Variants in SLC43A2 observed in about 807,000 individuals in gnomAD.
The protein encoded by SLC43A2 is large neutral amino acids transporter small subunit 4.
A neutral mutation model predicts 63.2 loss-of-function variants in SLC43A2; 38 were observed. The observed-to-expected ratio is 0.60, with a 90% CI of 0.46 to 0.79. The LOEUF is 0.79. SLC43A2 is among the 30% of genes least tolerant of loss of function. The pLI, the probability that SLC43A2 is intolerant of heterozygous loss-of-function variation, is 0.00. For missense variants in SLC43A2, 644 were observed against 756.2 expected (o/e 0.85, Z 1.74); for synonymous variants, 322 against 331.0 (o/e 0.97, Z 0.30).
chr17:1,581,409 G>A (rs895773840), intron 11 of SLC43A2, among the ~76,000 whole-genome samples: 5 of 152,340 alleles, frequency 3.3e-5, no homozygotes, highest in East Asian at 1.9e-4. Context: ...AGGGAGGGCC[G>A]GAGGGATGCA....
rs2076095904 is a variant in SLC43A2, at chr17:1,585,977, T to G, written c.1153A>C (p.Met385Leu). Residue 385 changes from methionine (M) to leucine (L), a missense_variant, in exon 10 of 14, where the codon ATG becomes CTG. Coordinates refer to ENST00000301335, the MANE Select transcript of SLC43A2 (RefSeq NM_152346.3). ...LLTAPVIGYI[M>L]DWRLKECEDA... ...TCACACTCCTTCAGCCTCCAGTCCA[T>G]GATGTAGCCAATGACGGGGGCCGTC... 1.2e-6 allele frequency: 2 copies of G among 1,613,302 alleles called. No individual in the cohort carries two copies. The highest frequency in any genetic ancestry group is 4.5e-5 in the East Asian group (2 of 44,880).
In SLC43A2 at chr17:1,572,170, C is replaced by G. The variant is rs2075855401; in HGVS notation, c.*3434G>C. The stretch of plus-strand genomic sequence containing the variant: ...TGATTCCATGCAGTAGCTCTCTCCC[C>G]CTCTTCTGAGAAGGCTCTTGGCTCC... On this transcript the variant is annotated 3_prime_UTR_variant, in exon 14 of 14. Coordinates refer to ENST00000301335, the MANE Select transcript of SLC43A2 (RefSeq NM_152346.3). 6.6e-6 allele frequency: 1 copy of G among 152,528 alleles called. No homozygotes were observed. The highest frequency in any genetic ancestry group is 2.4e-5 in the African/African-American group (1 of 41,452). 9.4% of individuals were successfully genotyped at this position (152,528 alleles called of 1,614,324 possible).
In SLC43A2 at chr17:1,593,063, C is replaced by T. The variant is rs1470449267; in HGVS notation, c.594+124G>A. The T allele has an allele frequency of 3.5e-6, 3 of 853,810 alleles. No individual in the cohort carries two copies. The highest frequency in any genetic ancestry group is 1.7e-5 in the African/African-American group (1 of 59,334). The allele number at this position is 853,810 out of a possible 1,614,324, so 52.9% of individuals were successfully genotyped here. On this transcript the variant is annotated intron_variant, in intron 6 of 13. Transcript: ENST00000301335. The surrounding 1 kb of genome is among the most constrained non-coding windows in gnomAD (Gnocchi z 5.3). Reference sequence around the variant, plus strand: ...CCCTGTGATGCCCAGGTGCATCCTGCCCGGGTGGGGGTGGTGGAGAGGGGC... The same window carrying T: ...CCCTGTGATGCCCAGGTGCATCCTGTCCGGGTGGGGGTGGTGGAGAGGGGC...
chr17:1,592,812 T>TG (rs1232771855), intron 6 of SLC43A2, among the ~76,000 whole-genome samples: 1 of 151,960 alleles, frequency 6.6e-6, no homozygotes, highest in Non-Finnish European at 1.5e-5. Flanking sequence ...GTGCTTTGGC[T>TG]GGCGGGGAGT....
intron 4 of SLC43A2, among the ~76,000 whole-genome samples, chr17:1,614,366 G>A (rs967536700): frequency 3.3e-5 from 5 of 152,056 alleles, no homozygotes; most frequent in Non-Finnish European, 5.9e-5. Context: ...AGCTGTGACT[G>A]CACCACTGCA....
In SLC43A2 at chr17:1,575,555, T is replaced by A; in HGVS notation, c.*49A>T. The A allele has an allele frequency of 6.2e-7, 1 of 1,611,752 alleles. No homozygotes were observed. Among genetic ancestry groups the A allele is most frequent in the Non-Finnish European group, 8.5e-7 (1 of 1,178,446 alleles). On this transcript the variant is annotated 3_prime_UTR_variant, in exon 14 of 14. Coordinates refer to ENST00000301335, the MANE Select transcript of SLC43A2 (RefSeq NM_152346.3). ...GTACTCTGGAGGGGCAGGACAGGGGTCAGTCACTGAAGCACAGGCAGGAGA... is the reference window on the plus strand; with the variant it reads ...GTACTCTGGAGGGGCAGGACAGGGGACAGTCACTGAAGCACAGGCAGGAGA...
rs576437205 is a variant in SLC43A2 at position 1,606,191 on chromosome 17, C to T, written c.501+7004G>A. Among the ~76,000 whole-genome samples, 9 of 151,716 alleles carry T rather than the reference C, an allele frequency of 5.9e-5. No homozygotes were observed. Among genetic ancestry groups the T allele is most frequent in the Admixed American group, 1.3e-4 (2 of 15,270 alleles). On this transcript the variant is annotated intron_variant, in intron 5 of 13. Transcript: ENST00000301335. This position sits in a 1 kb window ranked among gnomAD's most constrained non-coding sequence, Gnocchi z 4.7. Reference sequence around the variant, plus strand: ...CTCTCCTGGACCCTCCAGAGCTGGCCGGGGGCCACCGTGGGACCCTCTCCT... The same window carrying T: ...CTCTCCTGGACCCTCCAGAGCTGGCTGGGGGCCACCGTGGGACCCTCTCCT...
At position 1,575,764 on chromosome 17, in the gene SLC43A2, A is replaced by G. The variant is rs752811897; in HGVS notation, c.1550T>C (p.Val517Ala). Residue 517 changes from valine to alanine, a missense_variant and splice_region_variant, in exon 14 of 14, where the codon GTG becomes GCG. Physicochemically the swap from Val to Ala is moderately conservative, Grantham distance 64 (BLOSUM62 0). Coordinates refer to ENST00000301335, the MANE Select transcript of SLC43A2 (RefSeq NM_152346.3). Reference sequence around the variant, plus strand: ...GCTGAGAAGGAGCAGCCCCACGTTCACCTGGGGAGGCAGGGAGGCCGCGCA... The same window carrying G: ...GCTGAGAAGGAGCAGCCCCACGTTCGCCTGGGGAGGCAGGGAGGCCGCGCA... ...MGPLQGDPLW[V>A]NVGLLLLSLL... 3 of 1,609,042 alleles carry G rather than the reference A, an allele frequency of 1.9e-6. No homozygotes were observed. The Admixed American group carries it at 5.0e-5, about 27-fold the overall frequency.
intron 5 of SLC43A2, among the ~76,000 whole-genome samples, chr17:1,594,291 AG>A (rs1240196269): frequency 6.6e-6 from 1 of 152,160 alleles, no homozygotes; most frequent in Non-Finnish European, 1.5e-5. Context: ...ACAGGGCAAG[AG>A]GGGGCCCACC....
intron 5 of SLC43A2, among the ~76,000 whole-genome samples, chr17:1,603,598 A>G (rs1419005041): frequency 1.3e-5 from 2 of 152,100 alleles, no homozygotes; most frequent in African/African-American, 4.8e-5. Flanking sequence ...AGCCTGGCCA[A>G]TACGGTGAAA....
intron 1 of SLC43A2, among the ~76,000 whole-genome samples, chr17:1,628,584 G>C (rs1350073135): frequency 6.6e-6 from 1 of 152,176 alleles, no homozygotes; most frequent in Admixed American, 6.5e-5. Flanking sequence ...CCCATCTCGG[G>C]CGTTCCCCCG....
chr17:1,599,765 C>G (rs1054215642), intron 5 of SLC43A2, among the ~76,000 whole-genome samples: 1 of 151,388 alleles, frequency 6.6e-6, no homozygotes, highest in Non-Finnish European at 1.5e-5. Context: ...AATTATTTGG[C>G]CAGGCGCGGT....
At chr17:1,589,526 C>T (rs555713480) in intron 9 of SLC43A2, among the ~76,000 whole-genome samples, 6 of 152,232 alleles carry the variant, frequency 3.9e-5, no homozygotes, top group African/African-American at 1.4e-4. Flanking sequence ...CATCACTGCA[C>T]TCCAGCCTAA....
chr17:1,595,073 G>A (rs966125318), intron 5 of SLC43A2, among the ~76,000 whole-genome samples: 4 of 151,934 alleles, frequency 2.6e-5, no homozygotes, highest in African/African-American at 9.7e-5. Flanking sequence ...CTGAGGTCAG[G>A]AATTCGAGAT....
intron 11 of SLC43A2, among the ~76,000 whole-genome samples, chr17:1,579,055 C>T (rs1220513138): frequency 2.6e-5 from 4 of 151,118 alleles, no homozygotes; most frequent in South Asian, 2.1e-4. Context: ...GCAGGAGAAT[C>T]GCTTGAACCA....
rs538115451 is a variant in SLC43A2 at position 1,578,661 on chromosome 17, A to G, written c.1351-338T>C. ...TCCTGCCTCAGCCTTCGGAGTAGCT[A>G]GGATTACAGGCCCACGCCACCATGC... is the stretch of plus-strand genomic sequence containing the variant. On this transcript the variant is annotated intron_variant, in intron 11 of 13. Transcript: ENST00000301335. This position sits in a 1 kb window ranked among gnomAD's most constrained non-coding sequence, Gnocchi z 6.5. 8.7e-5 allele frequency: 22 copies of G among 253,284 alleles called. 1 individual carries two copies. Among genetic ancestry groups the G allele is most frequent in the African/African-American group, 3.5e-4 (16 of 45,120 alleles). 15.7% of individuals were successfully genotyped at this position (253,284 alleles called of 1,614,324 possible). A position where few individuals can be genotyped will look rare whatever the true frequency, so the allele number is the denominator to read the frequency against.
intron 5 of SLC43A2, among the ~76,000 whole-genome samples, chr17:1,600,152 A>ATATATATT (rs1216616243): frequency 1.5e-3 from 93 of 60,268 alleles, no homozygotes; most frequent in Middle Eastern, 8.9e-3. Context: ...ATATATATAT[A>ATATATATT]TTTTTTTTTT....
At chr17:1,612,450 T>C (rs1229370206) in intron 5 of SLC43A2, among the ~76,000 whole-genome samples, 2 of 152,094 alleles carry the variant, frequency 1.3e-5, no homozygotes, top group Non-Finnish European at 2.9e-5. Flanking sequence ...GACCAGATGT[T>C]CCCTGCATTT....
Position 1,627,728 on chromosome 17 carries a change from C to T in SLC43A2, c.147G>A (p.Leu49=). ...CGCTTGTCTCACCTGGCTCGGTACACAGGTAGGAGTAAAAGCCCTCTGACT... is the reference window on the plus strand; with the variant it reads ...CGCTTGTCTCACCTGGCTCGGTACATAGGTAGGAGTAAAAGCCCTCTGACT... ...MLKSEGFYSY[L]CTEPENVTNG... Residue 49 remains leucine, a synonymous_variant, in exon 2 of 14, where the codon CTG becomes CTA. Transcript: ENST00000301335. 1 of 1,546,188 alleles carries T rather than the reference C, an allele frequency of 6.5e-7. No homozygotes were observed. Among genetic ancestry groups the T allele is most frequent in the South Asian group, 1.2e-5 (1 of 86,192 alleles).
Sources: gnomAD v4.1 joint callset for allele counts (sites outside exome capture counted in the v4.1 genomes callset) on GRCh38, gnomAD v4.1.1 for gene constraint, Gnocchi (gnomAD v3.1) non-coding constraint, MANE v1.5 for transcripts, NCBI Gene and HGNC (gene_info 2026-07-23, HGNC 2026-07-21) for gene names.